Variants in LIN28B observed in about 807,000 individuals in gnomAD.
The protein encoded by LIN28B is protein lin-28 homolog B.
Under a neutral mutation model 21.9 loss-of-function variants are expected in LIN28B, and 5 were observed. The observed-to-expected ratio is 0.23, with a 90% CI of 0.12 to 0.48. LIN28B has a LOEUF of 0.48. LIN28B is among the 20% of genes least tolerant of loss of function. The pLI, the probability that LIN28B is intolerant of heterozygous loss-of-function variation, is 0.98. For missense variants in LIN28B, 245 were observed against 310.5 expected (o/e 0.79, Z 1.58); for synonymous variants, 109 against 111.3 (o/e 0.98, Z 0.13).
rs936916558 is a variant in LIN28B at position 105,083,185 on chromosome 6, G to T, written c.*4402G>T. 5 of 152,628 alleles carry T rather than the reference G, an allele frequency of 3.3e-5. No homozygotes were observed. The highest frequency in any genetic ancestry group is 1.2e-4 in the African/African-American group (5 of 41,454). The allele number at this position is 152,628 out of a possible 1,614,324, so 9.5% of individuals were successfully genotyped here. ...GCGTTTCACTCGCATGCAGTCATCTGGAGGGACTGAAGCACTGTTTGCCTT... is the reference window on the plus strand; with the variant it reads ...GCGTTTCACTCGCATGCAGTCATCTTGAGGGACTGAAGCACTGTTTGCCTT... On this transcript the variant is annotated 3_prime_UTR_variant, in exon 4 of 4. Transcript: ENST00000345080.
intron 3 of LIN28B, among the ~76,000 whole-genome samples, chr6:105,034,158 T>C (rs1771478229): frequency 6.6e-6 from 1 of 151,916 alleles, no homozygotes; most frequent in Non-Finnish European, 1.5e-5. Context: ...GTTCATGGTT[T>C]CTTTTTTTAC....
chr6:104,941,206 T>A (rs1172729829), intron 2 of LIN28B: 1 of 152,094 alleles, frequency 6.6e-6, no homozygotes, highest in Non-Finnish European at 1.5e-5. Flanking sequence ...AAGTGACAGG[T>A]CTCGCAGCAA....
rs140757552 is a variant in LIN28B, at chr6:105,057,954, G to A, written c.384-20460G>A. On this transcript the variant is annotated intron_variant, in intron 3 of 3. Transcript: ENST00000345080. ...AATCTGAGCAATTCAATATCTGAAC[G>A]TTTTGGATCTAATTCTACTGGCTGT... 8.8e-4 allele frequency: 217 copies of A among 247,616 alleles called. 1 individual carries two copies. Among genetic ancestry groups the A allele is most frequent in the African/African-American group, 2.7e-3 (117 of 42,678 alleles). The allele number at this position is 247,616 out of a possible 1,614,324, so 15.3% of individuals were successfully genotyped here.
chr6:105,078,636 A>C lies in LIN28B; in HGVS notation c.606A>C (p.Thr202=), dbSNP rs189247879. 6.8e-6 allele frequency: 11 copies of C among 1,614,154 alleles called. No homozygotes were observed. The East Asian group carries it at 1.3e-4, about 20-fold the overall frequency. The change falls in exon 4 of 4, where the codon ACA becomes ACC. Residue 202 remains threonine, a synonymous_variant. Transcript: ENST00000345080. ...PREVGGGHGC[T]SPPFPQEARA... Reference sequence around the variant, plus strand: ...AAGTGGGAGGCGGGCATGGCTGTACATCACCACCGTTTCCTCAGGAGGCTA... The same window carrying C: ...AAGTGGGAGGCGGGCATGGCTGTACCTCACCACCGTTTCCTCAGGAGGCTA...
intron 2 of LIN28B, among the ~76,000 whole-genome samples, chr6:104,999,021 A>C (rs73771046): frequency 0.022 from 3,402 of 152,330 alleles, 149 homozygotes; most frequent in African/African-American, 0.078. Flanking sequence ...TGAGAATTAG[A>C]AAAAACAAGC....
intron 3 of LIN28B, among the ~76,000 whole-genome samples, chr6:105,073,145 C>T (rs1282589723): frequency 6.6e-6 from 1 of 152,054 alleles, no homozygotes; most frequent in African/African-American, 2.4e-5. Context: ...TGTGATCCAG[C>T]ACTTCCATGT....
upstream of LIN28B, among the ~76,000 whole-genome samples, chr6:104,955,137 A>G (rs1295523451): frequency 6.6e-6 from 1 of 152,214 alleles, no homozygotes; most frequent in East Asian, 1.9e-4. Flanking sequence ...ATTTCATATT[A>G]TGTCACAAGC....
chr6:105,015,260 A>T (rs936048328), intron 2 of LIN28B, among the ~76,000 whole-genome samples: 3 of 152,152 alleles, frequency 2.0e-5, no homozygotes, highest in Non-Finnish European at 2.9e-5. Flanking sequence ...ATGAGTTTTT[A>T]AAAATTCCAT....
At chr6:105,058,777 A>AT (rs1449049077) in intron 3 of LIN28B, among the ~76,000 whole-genome samples, 2 of 152,182 alleles carry the variant, frequency 1.3e-5, no homozygotes, top group Non-Finnish European at 2.9e-5. Context: ...ATGTCATTTT[A>AT]ATGTATGGTT....
At chr6:105,060,095 G>T (rs1772097735) in intron 3 of LIN28B, among the ~76,000 whole-genome samples, 2 of 152,212 alleles carry the variant, frequency 1.3e-5, no homozygotes, top group African/African-American at 2.4e-5. Flanking sequence ...TAGAGACAGG[G>T]CTTCTCCATG....
intron 2 of LIN28B, among the ~76,000 whole-genome samples, chr6:104,949,756 T>A (rs1196599183): frequency 6.6e-6 from 1 of 152,196 alleles, no homozygotes; most frequent in Non-Finnish European, 1.5e-5. Flanking sequence ...TATACTTGAT[T>A]ACTGTGTGGC....
intron 2 of LIN28B, among the ~76,000 whole-genome samples, chr6:104,947,811 C>T (rs1778174688): frequency 6.7e-6 from 1 of 148,230 alleles, no homozygotes; most frequent in Non-Finnish European, 1.5e-5. Context: ...TAGGAATAAT[C>T]AACCTCGGTA....
chr6:105,053,714 C>T (rs62419622), intron 3 of LIN28B, among the ~76,000 whole-genome samples: 8 of 147,266 alleles, frequency 5.4e-5, no homozygotes, highest in African/African-American at 7.6e-5. Flanking sequence ...TGTGTGGGTG[C>T]GTGTGTGTGT....
intron 3 of LIN28B, among the ~76,000 whole-genome samples, chr6:105,039,319 G>A (rs1289733321): frequency 2.6e-5 from 4 of 152,066 alleles, no homozygotes; most frequent in Admixed American, 2.6e-4. Context: ...ATTGTTTGTA[G>A]TAACAAAAAA....
chr6:105,013,723 CAAA>C (rs11330582), intron 2 of LIN28B, among the ~76,000 whole-genome samples: 9 of 137,534 alleles, frequency 6.5e-5, no homozygotes, highest in Admixed American at 1.4e-4. Context: ...GACCCTGTCT[CAAA>C]AAAAAAAAAA....
At chr6:104,971,376 A>C (rs1056126120) in intron 2 of LIN28B, among the ~76,000 whole-genome samples, 1 of 152,152 alleles carries the variant, frequency 6.6e-6, no homozygotes, top group Admixed American at 6.5e-5. Flanking sequence ...AAAGACAATG[A>C]TATTTGGTCA....
chr6:104,971,596 CAG>C (rs767943165), intron 2 of LIN28B, among the ~76,000 whole-genome samples: 14 of 152,074 alleles, frequency 9.2e-5, no homozygotes, highest in African/African-American at 3.4e-4. Context: ...CTGTTGATAA[CAG>C]TGGGTTATCA....
chr6:105,049,699 A>G (rs1771853188), intron 3 of LIN28B, among the ~76,000 whole-genome samples: 1 of 152,048 alleles, frequency 6.6e-6, no homozygotes, highest in South Asian at 2.1e-4. Flanking sequence ...TATTGGGTGC[A>G]TATATATTTA....
At chr6:105,076,631 T>C (rs1357822105) in intron 3 of LIN28B, among the ~76,000 whole-genome samples, 1 of 152,068 alleles carries the variant, frequency 6.6e-6, no homozygotes, top group Non-Finnish European at 1.5e-5. Context: ...TTGTTGGAGA[T>C]GGAGTCTCAC....
Sources: gnomAD v4.1 joint callset for allele counts (sites outside exome capture counted in the v4.1 genomes callset) on GRCh38, gnomAD v4.1.1 for gene constraint, MANE v1.5 for transcripts, NCBI Gene and HGNC (gene_info 2026-07-23, HGNC 2026-07-21) for gene names.